CARNMT1: variants seen among roughly 807,000 people sequenced by gnomAD.
CARNMT1 encodes the protein carnosine N-methyltransferase 1, also known as protein-L-histidine N-pros-methyltransferase CARNMT1.
A neutral mutation model predicts 49.6 loss-of-function variants in CARNMT1; 28 were observed. The ratio of observed to expected loss-of-function variants is 0.56; its 90% CI spans 0.42 to 0.77. The LOEUF (loss-of-function observed/expected upper bound fraction) is 0.77. Ranked by LOEUF, CARNMT1 falls within the 30% of genes least tolerant of loss-of-function variation. The probability of loss-of-function intolerance (pLI) is 0.00; values close to 1 mark genes in which losing one functional copy is unlikely to be tolerated. For missense variants in CARNMT1, 421 were observed against 512.6 expected (o/e 0.82, Z 1.73); for synonymous variants, 178 against 175.0 (o/e 1.02, Z -0.13).
intron 1 of CARNMT1, among the ~76,000 whole-genome samples, chr9:75,022,856 C>T (rs753293465): frequency 1.1e-4 from 17 of 152,108 alleles, no homozygotes; most frequent in Non-Finnish European, 2.4e-4. Flanking sequence ...AGTCATCAGC[C>T]GGGCATGGTG....
At chr9:75,013,619 T>C (rs1444914966) in intron 3 of CARNMT1, among the ~76,000 whole-genome samples, 2 of 151,622 alleles carry the variant, frequency 1.3e-5, no homozygotes, top group Admixed American at 1.3e-4. Flanking sequence ...AGCATAGCTA[T>C]TTCCAGGATA....
intron 7 of CARNMT1, 128 bp downstream of exon 7, chr9:74,984,779 C>A: frequency 3.2e-6 from 2 of 633,798 alleles, no homozygotes; most frequent in Non-Finnish European, 2.7e-6. Flanking sequence ...GGATACTCAA[C>A]CTGTATTATC....
intron 6 of CARNMT1, among the ~76,000 whole-genome samples, chr9:74,987,141 C>T (rs1307979845): frequency 6.6e-6 from 1 of 152,200 alleles, no homozygotes; most frequent in Admixed American, 6.5e-5. Context: ...TAAGTTTTCA[C>T]TCACAATTGC....
intron 5 of CARNMT1, among the ~76,000 whole-genome samples, chr9:74,998,189 C>T (rs1833249703): frequency 6.6e-6 from 1 of 152,202 alleles, no homozygotes. Flanking sequence ...CCTGCCAGTA[C>T]AGCTGTGCTG....
chr9:75,008,182 A>AAAC (rs1249537068), intron 3 of CARNMT1, among the ~76,000 whole-genome samples: 46 of 150,844 alleles, frequency 3.0e-4, no homozygotes, highest in African/African-American at 1.0e-3. Context: ...AAAAAAAAAA[A>AAAC]AAAAAAAAAA....
At chr9:75,002,707 G>A (rs1440104659) in intron 3 of CARNMT1, among the ~76,000 whole-genome samples, 1 of 152,088 alleles carries the variant, frequency 6.6e-6, no homozygotes, top group East Asian at 1.9e-4. Flanking sequence ...AAGCAAATAT[G>A]GCAAAATGTC....
chr9:74,993,151 T>C (rs1166470695), intron 6 of CARNMT1, among the ~76,000 whole-genome samples: 1 of 152,196 alleles, frequency 6.6e-6, no homozygotes, highest in Non-Finnish European at 1.5e-5. Context: ...TTATGGAGCT[T>C]AGAGACTAGC....
rs773967630 is a variant in CARNMT1 at position 75,028,115 on chromosome 9, C to A, written c.127G>T (p.Val43Phe). 1 of 1,558,600 alleles carries A rather than the reference C, an allele frequency of 6.4e-7. No individual in the cohort carries two copies. Among genetic ancestry groups the A allele is most frequent in the Non-Finnish European group, 8.7e-7 (1 of 1,154,854 alleles). The change falls in exon 1 of 8, where the codon GTT becomes TTT. Residue 43 changes from valine (V) to phenylalanine (F), a missense_variant. Physicochemically the swap from Val to Phe is conservative, Grantham distance 50. Around this residue, in one of 2 missense-constraint regions of CARNMT1, gnomAD observed 186 missense variants for 167.9 expected, o/e 1.11. Coordinates refer to ENST00000376834, the MANE Select transcript of CARNMT1 (RefSeq NM_152420.3). ...GTGGCCGCCGCCGCTGCCGCCGAAA[C>A]CGCCGCGGCCGAGCCCCAACGCCCG... ...SAGRWGSAAA[V>F]SAAAAAATRS...
At chr9:75,009,060 CTTT>C (rs752851220) in intron 3 of CARNMT1, among the ~76,000 whole-genome samples, 17 of 125,488 alleles carry the variant, frequency 1.4e-4, no homozygotes, top group South Asian at 5.2e-4. Flanking sequence ...AAAGGACAGT[CTTT>C]TTTTTTTTTT....
chr9:75,006,642 A>G (rs1833519059), intron 3 of CARNMT1, among the ~76,000 whole-genome samples: 1 of 152,238 alleles, frequency 6.6e-6, no homozygotes, highest in Non-Finnish European at 1.5e-5. Flanking sequence ...GAAACTGGGT[A>G]ACTGAGGAAC....
chr9:75,016,264 T>C lies in CARNMT1; in HGVS notation c.590+4A>G, dbSNP rs1833846576. ...AACTTGGTTAAAAATGAGGTACTAT[T>C]TACCATCTCTCTTTTGGAAAATTTT... On this transcript the variant is annotated splice_donor_region_variant and intron_variant, in intron 3 of 7. Coordinates refer to ENST00000376834, the MANE Select transcript of CARNMT1 (RefSeq NM_152420.3). 5 of 1,608,616 alleles carry C rather than the reference T, an allele frequency of 3.1e-6. No individual in the cohort carries two copies. In the South Asian group the frequency reaches 3.3e-5, roughly 11 times the overall value.
At chr9:75,028,337 G>A (rs1297336976), upstream of CARNMT1, 2 of 1,309,898 alleles carry the variant, frequency 1.5e-6, no homozygotes, top group Non-Finnish European at 1.9e-6. Context: ...CGCCCGCCGC[G>A]GACATGCCCC....
chr9:75,019,781 T>A (rs373757848), intron 1 of CARNMT1, among the ~76,000 whole-genome samples: 2 of 152,210 alleles, frequency 1.3e-5, no homozygotes, highest in East Asian at 3.8e-4. Flanking sequence ...CTAAAATGTA[T>A]AAAACCAAGC....
chr9:75,010,593 AC>A (rs1369917798), intron 3 of CARNMT1, among the ~76,000 whole-genome samples: 1 of 152,208 alleles, frequency 6.6e-6, no homozygotes, highest in Non-Finnish European at 1.5e-5. Flanking sequence ...TTGATACTTA[AC>A]ATACATGTAA....
At chr9:75,006,118 C>G (rs935889192) in intron 3 of CARNMT1, among the ~76,000 whole-genome samples, 3 of 151,824 alleles carry the variant, frequency 2.0e-5, no homozygotes, top group Admixed American at 6.6e-5. Flanking sequence ...GTGGCTCTAT[C>G]TCGGCTCACT....
rs1028060302 is a variant in CARNMT1, at chr9:75,023,135, C to CAA, written c.230+4875_230+4876dup. Reference sequence around the variant, plus strand: ...CCAGCCTGGGTGACAGAGCAAGACTCAAAAAAAAAAAAAAAAAAGAAAAAG... The same window carrying CAA: ...CCAGCCTGGGTGACAGAGCAAGACTCAAAAAAAAAAAAAAAAAAAAGAAAAAG... On this transcript the variant is annotated intron_variant, in intron 1 of 7. Coordinates refer to ENST00000376834, the MANE Select transcript of CARNMT1 (RefSeq NM_152420.3). 9.2e-4 allele frequency among the ~76,000 whole-genome samples: 60 copies of CAA among 65,410 alleles called. No homozygotes were observed. The East Asian group carries it at 9.2e-3, about 10-fold the overall frequency. The allele number at this position is 65,410 out of a possible 152,430, so 42.9% of individuals were successfully genotyped here.
intron 1 of CARNMT1, among the ~76,000 whole-genome samples, chr9:75,024,264 G>T (rs1012554515): frequency 3.9e-5 from 6 of 152,146 alleles, no homozygotes; most frequent in African/African-American, 1.4e-4. Flanking sequence ...TTAAATTTGT[G>T]TTACTAGTAT....
At chr9:74,995,969 T>C (rs1315520166) in intron 6 of CARNMT1, 1 of 152,124 alleles carries the variant, frequency 6.6e-6, no homozygotes, top group Non-Finnish European at 1.5e-5. Flanking sequence ...ATAAAAAAAA[T>C]TGTGTTTCTA....
intron 3 of CARNMT1, among the ~76,000 whole-genome samples, chr9:75,005,138 C>A (rs577722812): frequency 6.6e-6 from 1 of 152,006 alleles, no homozygotes; most frequent in Non-Finnish European, 1.5e-5. Flanking sequence ...TATGTTCATA[C>A]GTGAGAAAAA....
Sources: allele counts gnomAD v4.1 joint callset (sites outside exome capture counted in the v4.1 genomes callset), GRCh38; gene constraint gnomAD v4.1.1; regional missense constraint gnomAD v4.1.1; transcripts MANE v1.5; gene names NCBI Gene and HGNC (gene_info 2026-07-23, HGNC 2026-07-21).